EXOC4: variants seen among roughly 807,000 people sequenced by gnomAD.
The protein encoded by EXOC4 is exocyst complex component 4, also known as SEC8-like 1.
EXOC4 carries 71 observed loss-of-function variants against 107.2 expected under a neutral mutation model. That is an observed-to-expected ratio of 0.66 (90% CI 0.55 to 0.81). EXOC4 has a LOEUF of 0.81. EXOC4 is among the 30% of genes least tolerant of loss of function. The pLI, the probability that EXOC4 is intolerant of heterozygous loss-of-function variation, is 0.00. For synonymous variants in EXOC4, 456 were observed against 441.2 expected (o/e 1.03, Z -0.42); for missense variants, 1,108 against 1,189.6 (o/e 0.93, Z 1.01).
chr7:134,067,189 G>A (rs112621478), downstream of EXOC4, among the ~76,000 whole-genome samples: 3,903 of 146,682 alleles, frequency 0.027, 159 homozygotes, highest in African/African-American at 0.087. Context: ...AACGAAATAC[G>A]CCTTACCAGA....
intron 17 of EXOC4, among the ~76,000 whole-genome samples, chr7:134,015,873 C>CA (rs55846835): frequency 0.014 from 1,502 of 109,640 alleles, 13 homozygotes; most frequent in Non-Finnish European, 0.021. Flanking sequence ...GACTCCGTCT[C>CA]AAAAAAAAAA....
intron 10 of EXOC4, among the ~76,000 whole-genome samples, chr7:133,726,611 A>G (rs370271300): frequency 6.6e-6 from 1 of 152,216 alleles, no homozygotes; most frequent in African/African-American, 2.4e-5. Context: ...TACTCATTCT[A>G]TGCAAATTCC....
At position 133,895,703 on chromosome 7, in the gene EXOC4, G is replaced by A; in HGVS notation, c.1839G>A (p.Gln613=). The A allele has an allele frequency of 6.2e-7, 1 of 1,614,154 alleles. No homozygotes were observed. Among genetic ancestry groups the A allele is most frequent in the South Asian group, 1.1e-5 (1 of 91,074 alleles). ...TCAACATGGTGTGCGTGAAGCTCCA[G>A]GAGTACAAGGACACCTGCACTGCAG... ...QFLNMVCVKL[Q]EYKDTCTAAY... is the part of the protein sequence containing the mutation. The change falls in exon 12 of 18, where the codon CAG becomes CAA. Residue 613 remains glutamine (Q), a synonymous_variant. Transcript: ENST00000253861.
chr7:133,954,034 T>C (rs1800755290), intron 14 of EXOC4, among the ~76,000 whole-genome samples: 1 of 152,258 alleles, frequency 6.6e-6, no homozygotes, highest in Non-Finnish European at 1.5e-5. Flanking sequence ...TTAAAAATTT[T>C]CAACATTTTG....
chr7:133,571,949 C>G (rs1007849588), intron 9 of EXOC4, among the ~76,000 whole-genome samples: 1 of 152,166 alleles, frequency 6.6e-6, no homozygotes, highest in Non-Finnish European at 1.5e-5. Context: ...GTCTTAATAT[C>G]GTCACATTGG....
chr7:134,093,389 A>G, the EXOC4 span, among the ~76,000 whole-genome samples: 1 of 152,226 alleles, frequency 6.6e-6, no homozygotes, highest in South Asian at 2.1e-4. Context: ...CTAAATATAT[A>G]TGCACCCAAC....
At position 133,755,236 on chromosome 7, in the gene EXOC4, TATATATA is replaced by T. The variant is rs1177861468; in HGVS notation, c.1515-62081_1515-62075del. On this transcript the variant is annotated intron_variant, in intron 10 of 17. Coordinates refer to ENST00000253861, the MANE Select transcript of EXOC4 (RefSeq NM_021807.4). ...TGTGTGTGTGTGTATATATATATAA[TATATATA>T]ATATATATATTATATATATATTATA... Among the ~76,000 whole-genome samples the T allele has an allele frequency of 1.5e-3, 164 of 105,868 alleles. No individual in the cohort carries two copies. In the Middle Eastern group the frequency reaches 0.03, roughly 19 times the overall value. 69.5% of individuals were successfully genotyped at this position (105,868 alleles called of 152,430 possible).
the EXOC4 span, among the ~76,000 whole-genome samples, chr7:134,090,970 G>C: frequency 6.6e-6 from 1 of 151,686 alleles, no homozygotes; most frequent in African/African-American, 2.4e-5. Flanking sequence ...CTTTACCCAG[G>C]TATATGCACC....
chr7:133,533,645 A>T (rs1254119233), intron 9 of EXOC4, among the ~76,000 whole-genome samples: 1 of 152,158 alleles, frequency 6.6e-6, no homozygotes, highest in Non-Finnish European at 1.5e-5. Flanking sequence ...TCCTTGCCAC[A>T]GGTCTTCTGT....
At chr7:133,515,734 G>T (rs1799863751) in intron 9 of EXOC4, among the ~76,000 whole-genome samples, 2 of 152,168 alleles carry the variant, frequency 1.3e-5, no homozygotes, top group South Asian at 4.1e-4. Flanking sequence ...CTCCCAAAGT[G>T]CTGGGATTCC....
chr7:133,537,303 C>A (rs535753183), intron 9 of EXOC4, among the ~76,000 whole-genome samples: 1 of 147,622 alleles, frequency 6.8e-6, no homozygotes, highest in Non-Finnish European at 1.5e-5. Flanking sequence ...GGCACCCCCC[C>A]CCCCACCACA....
At chr7:133,430,896 C>G (rs1273128034) in intron 7 of EXOC4, among the ~76,000 whole-genome samples, 1 of 152,188 alleles carries the variant, frequency 6.6e-6, no homozygotes, top group East Asian at 1.9e-4. Context: ...ATCCATCTTT[C>G]TACTGGAATG....
At chr7:133,409,076 A>G (rs1797296278) in intron 7 of EXOC4, among the ~76,000 whole-genome samples, 1 of 152,232 alleles carries the variant, frequency 6.6e-6, no homozygotes, top group African/African-American at 2.4e-5. Flanking sequence ...AGGTTAGTCA[A>G]TAGATAAATC....
At chr7:134,043,414 A>G (rs1585346728) in intron 17 of EXOC4, among the ~76,000 whole-genome samples, 1 of 152,122 alleles carries the variant, frequency 6.6e-6, no homozygotes, top group Non-Finnish European at 1.5e-5. Context: ...AAACATTTAC[A>G]CCCCCCAGCC....
rs549863263 is a variant in EXOC4, at chr7:133,660,277, T to A, written c.1514+30136T>A. 3.3e-5 allele frequency among the ~76,000 whole-genome samples: 5 copies of A among 152,216 alleles called. No individual in the cohort carries two copies. In the East Asian group the frequency reaches 9.7e-4, roughly 29 times the overall value. On this transcript the variant is annotated intron_variant, in intron 10 of 17. Coordinates refer to ENST00000253861, the MANE Select transcript of EXOC4 (RefSeq NM_021807.4). ...GCTTGATCAATAGACTGCAGAATGA[T>A]TAATTTGTTTCCACTCATTTCTTTA...
At chr7:133,421,196 A>G (rs1392091292) in intron 7 of EXOC4, among the ~76,000 whole-genome samples, 3 of 152,176 alleles carry the variant, frequency 2.0e-5, no homozygotes, top group African/African-American at 7.2e-5. Flanking sequence ...GTAAAGCATT[A>G]TATAATGTTG....
rs572274259 is a variant in EXOC4, at chr7:133,357,514, G to A, written c.1007+941G>A. On this transcript the variant is annotated intron_variant, in intron 6 of 17. Coordinates refer to ENST00000253861, the MANE Select transcript of EXOC4 (RefSeq NM_021807.4). The stretch of plus-strand genomic sequence containing the variant: ...AATTCTTATTTCATATGGAGAGTAC[G>A]GAAATTGAATTCAGATTCTAACTTT... 2.1e-4 allele frequency among the ~76,000 whole-genome samples: 32 copies of A among 152,166 alleles called. No individual in the cohort carries two copies. In the South Asian group the frequency reaches 6.0e-3, roughly 29 times the overall value.
chr7:133,597,588 A>AAC (rs1554476930), intron 9 of EXOC4, among the ~76,000 whole-genome samples: 18 of 144,030 alleles, frequency 1.2e-4, no homozygotes, highest in East Asian at 6.2e-4. Context: ...CAAAAAAAAA[A>AAC]CCCCGAATCC....
At chr7:133,332,398 A>G (rs576582013) in intron 5 of EXOC4, among the ~76,000 whole-genome samples, 2 of 152,146 alleles carry the variant, frequency 1.3e-5, no homozygotes, top group Non-Finnish European at 2.9e-5. Context: ...TGAGAGGCCA[A>G]GGTGGGCAGA....
Sources: gnomAD v4.1 joint callset for allele counts (sites outside exome capture counted in the v4.1 genomes callset) on GRCh38, gnomAD v4.1.1 for gene constraint, MANE v1.5 for transcripts, NCBI Gene and HGNC (gene_info 2026-07-23, HGNC 2026-07-21) for gene names.